CACNG8: variants seen among roughly 807,000 people sequenced by gnomAD.
CACNG8 encodes calcium voltage-gated channel auxiliary subunit gamma 8.
A neutral mutation model predicts 26.9 loss-of-function variants in CACNG8; 5 were observed. The observed-to-expected ratio is 0.19, with a 90% CI of 0.10 to 0.39. CACNG8 has a LOEUF of 0.39. CACNG8 is among the 10% of genes least tolerant of loss of function. The probability of loss-of-function intolerance (pLI) is 1.00; values close to 1 mark genes in which losing one functional copy is unlikely to be tolerated. For synonymous variants in CACNG8, 321 were observed against 296.7 expected (o/e 1.08, Z -0.84); for missense variants, 473 against 609.4 (o/e 0.78, Z 2.36).
rs1255978243 is a variant in CACNG8, at chr19:53,985,856, G to A, written c.*3007G>A. On this transcript the variant is annotated 3_prime_UTR_variant, in exon 4 of 4. Transcript: ENST00000270458. Reference sequence around the variant, plus strand: ...GTCTCAAAAAAAAAAAAAAAATTGAGAGACAGCAAATATTTGCTGGAAGAG... The same window carrying A: ...GTCTCAAAAAAAAAAAAAAAATTGAAAGACAGCAAATATTTGCTGGAAGAG... 1 of 150,964 alleles carries A rather than the reference G, an allele frequency of 6.6e-6. No homozygotes were observed. Among genetic ancestry groups the A allele is most frequent in the East Asian group, 1.9e-4 (1 of 5,144 alleles). The allele number at this position is 150,964 out of a possible 1,614,324, so 9.4% of individuals were successfully genotyped here.
Position 53,963,136 on chromosome 19 carries a change from G to A in CACNG8, c.-7G>A, listed in dbSNP as rs1375387437. On this transcript the variant is annotated 5_prime_UTR_variant, in exon 1 of 4. Coordinates refer to ENST00000270458, the MANE Select transcript of CACNG8 (RefSeq NM_031895.6). ...GGCCCACGGCCCCCCGGCTGCCCGT[G>A]GTCAAACTGGAGTCGCTGAAGCGCT... 6.0e-6 allele frequency: 9 copies of A among 1,488,188 alleles called. No homozygotes were observed. In the South Asian group the frequency reaches 1.2e-4, roughly 19 times the overall value. 92.2% of individuals were successfully genotyped at this position (1,488,188 alleles called of 1,614,324 possible).
In CACNG8 at chr19:53,982,158, A is replaced by G; in HGVS notation, c.587A>G (p.Lys196Arg). ...CCGGGCCCGAAGCGGGACGAGGAGA[A>G]GAAAAACCACTACTCGTACGGCTGG... The change falls in exon 4 of 4, where the codon AAG (lysine) becomes AGG (arginine). Residue 196 changes from lysine to arginine, a missense_variant. Lys to Arg is a conservative substitution (Grantham distance 26). Transcript: ENST00000270458. The surrounding 1 kb of genome is among the most constrained non-coding windows in gnomAD (Gnocchi z 8.4). 6.2e-7 allele frequency: 1 copy of G among 1,613,188 alleles called. No homozygotes were observed.
chr19:53,964,541 C>T (rs1424721802), intron 1 of CACNG8, among the ~76,000 whole-genome samples: 2 of 152,084 alleles, frequency 1.3e-5, no homozygotes. Context: ...ATGCCTCAGG[C>T]CTTCACGTTA....
chr19:53,974,752 C>T, intron 1 of CACNG8, among the ~76,000 whole-genome samples: 1 of 151,770 alleles, frequency 6.6e-6, no homozygotes, highest in Non-Finnish European at 1.5e-5. Flanking sequence ...AGCGATTCTC[C>T]TGCCTCAGCC....
At chr19:53,964,341 T>C (rs1487373542) in intron 1 of CACNG8, among the ~76,000 whole-genome samples, 1 of 151,976 alleles carries the variant, frequency 6.6e-6, no homozygotes, top group Non-Finnish European at 1.5e-5. Flanking sequence ...CCCTCACTCA[T>C]GACTTTCTCT....
chr19:53,979,085 A>G (rs1017594443), intron 2 of CACNG8, among the ~76,000 whole-genome samples: 7 of 143,798 alleles, frequency 4.9e-5, no homozygotes, highest in African/African-American at 1.8e-4. Flanking sequence ...ACCTAGGAAG[A>G]TAGGTGAAGC....
intron 1 of CACNG8, among the ~76,000 whole-genome samples, chr19:53,966,594 A>C (rs147312428): frequency 0.068 from 10,323 of 151,730 alleles, 1,158 homozygotes; most frequent in African/African-American, 0.24. Context: ...GGGTCTCACT[A>C]TATTGCCCAG....
At chr19:53,963,529 CCCT>C (rs1048799935) in intron 1 of CACNG8, 104 bp downstream of exon 1, 8 of 1,174,630 alleles carry the variant, frequency 6.8e-6, no homozygotes, top group African/African-American at 1.6e-5. Flanking sequence ...CCTTGGGCAC[CCCT>C]CCTCCTCTGC....
At chr19:53,969,115 C>T (rs948517542) in intron 1 of CACNG8, among the ~76,000 whole-genome samples, 3 of 152,006 alleles carry the variant, frequency 2.0e-5, no homozygotes, top group African/African-American at 7.2e-5. Context: ...GCAATTCTCC[C>T]GCCTCAGCCT....
At chr19:53,976,428 T>G (rs938013639) in intron 1 of CACNG8, among the ~76,000 whole-genome samples, 3 of 152,178 alleles carry the variant, frequency 2.0e-5, no homozygotes, top group Non-Finnish European at 4.4e-5. Context: ...CATGATCTAT[T>G]TCATAGGACT....
intron 1 of CACNG8, among the ~76,000 whole-genome samples, chr19:53,970,399 C>T (rs533847042): frequency 3.2e-4 from 47 of 146,206 alleles, no homozygotes; most frequent in East Asian, 1.7e-3. Flanking sequence ...CTGAGGTGGA[C>T]GGATCACTTG....
intron 1 of CACNG8, 47 bp from the exon 2 acceptor site, chr19:53,978,099 C>A: frequency 7.2e-7 from 1 of 1,390,014 alleles, no homozygotes. Flanking sequence ...GCCCCGCCCC[C>A]AACCCTGAAG....
At position 53,986,214 on chromosome 19, in the gene CACNG8, A is replaced by G. The variant is rs2069407020; in HGVS notation, c.*3365A>G. 1 of 152,540 alleles carries G rather than the reference A, an allele frequency of 6.6e-6. No individual in the cohort carries two copies. Among genetic ancestry groups the G allele is most frequent in the African/African-American group, 2.4e-5 (1 of 41,430 alleles). 9.4% of individuals were successfully genotyped at this position (152,540 alleles called of 1,614,324 possible). On this transcript the variant is annotated 3_prime_UTR_variant, in exon 4 of 4. Transcript: ENST00000270458. ...CGGAGACAGACTCAGAGATTCGCAC[A>G]AAAAGCAACGTGGAGACTCAGAAGC...
Position 53,963,440 on chromosome 19 carries a change from G to GCCC in CACNG8, c.283+16_283+18dup, listed in dbSNP as rs1284506394. 1.1e-4 allele frequency: 159 copies of GCCC among 1,428,526 alleles called. No individual in the cohort carries two copies. The highest frequency in any genetic ancestry group is 1.4e-4 in the Non-Finnish European group (153 of 1,097,702). 88.5% of individuals were successfully genotyped at this position (1,428,526 alleles called of 1,614,324 possible). A position where few individuals can be genotyped will look rare whatever the true frequency, so the allele number is the denominator to read the frequency against. ...CTGCCTGGAAGGTAGGGTGCGGGCG[G>GCCC]CCCTCCCCGCAGCCCCCGCCGCTCC... On this transcript the variant is annotated intron_variant, in intron 1 of 3. Transcript: ENST00000270458.
In CACNG8 at chr19:53,982,566, C is replaced by T. The variant is rs1284746508; in HGVS notation, c.995C>T (p.Ala332Val). Reference sequence around the variant, plus strand: ...GGGGCCGGCGGCGGCGGCGGCGGCGCCGTGGGGGCGTTCGGCGGCGCGGCC... The same window carrying T: ...GGGGCCGGCGGCGGCGGCGGCGGCGTCGTGGGGGCGTTCGGCGGCGCGGCC... The change falls in exon 4 of 4, where the codon GCC becomes GTC. Residue 332 changes from alanine to valine, a missense_variant. Around this residue, in one of 6 missense-constraint regions of CACNG8, gnomAD observed 212 missense variants for 214.4 expected, o/e 0.99. Transcript: ENST00000270458. The surrounding 1 kb of genome is among the most constrained non-coding windows in gnomAD (Gnocchi z 8.4). The T allele has an allele frequency of 9.2e-7, 1 of 1,086,354 alleles. No individual in the cohort carries two copies. Among genetic ancestry groups the T allele is most frequent in the Non-Finnish European group, 1.1e-6 (1 of 893,190 alleles). The allele number at this position is 1,086,354 out of a possible 1,614,324, so 67.3% of individuals were successfully genotyped here.
chr19:53,976,793 C>A (rs1039256519), intron 1 of CACNG8, among the ~76,000 whole-genome samples: 1 of 152,136 alleles, frequency 6.6e-6, no homozygotes, highest in Admixed American at 6.5e-5. Flanking sequence ...CTGCCTCAGC[C>A]TCCCGAGTAG....
At chr19:53,968,768 CAA>C (rs34461203) in intron 1 of CACNG8, among the ~76,000 whole-genome samples, 30 of 50,316 alleles carry the variant, frequency 6.0e-4, no homozygotes, top group Middle Eastern at 0.02. Context: ...GACTCTATCT[CAA>C]AAAAAAAAAA....
At chr19:53,969,293 G>A (rs75352587) in intron 1 of CACNG8, among the ~76,000 whole-genome samples, 2,582 of 152,178 alleles carry the variant, frequency 0.017, 71 homozygotes, top group African/African-American at 0.057. Flanking sequence ...GTAAGCCACC[G>A]CGCCCAGCCG....
At position 53,982,549 on chromosome 19, in the gene CACNG8, C is replaced by T. The variant is rs1260250494; in HGVS notation, c.978C>T (p.Gly326=). The T allele has an allele frequency of 7.7e-6, 9 of 1,175,788 alleles. No individual in the cohort carries two copies. The highest frequency in any genetic ancestry group is 7.5e-5 in the East Asian group (2 of 26,610). The allele number at this position is 1,175,788 out of a possible 1,614,324, so 72.8% of individuals were successfully genotyped here. The change falls in exon 4 of 4, where the codon GGC becomes GGT. Residue 326 remains glycine (G), a synonymous_variant. Coordinates refer to ENST00000270458, the MANE Select transcript of CACNG8 (RefSeq NM_031895.6). This position sits in a 1 kb window ranked among gnomAD's most constrained non-coding sequence, Gnocchi z 8.4. ...TGGCCGCGGGGCTGGCGGGGGCCGG[C>T]GGCGGCGGCGGCGGCGCCGTGGGGG...
Sources: allele counts gnomAD v4.1 joint callset (sites outside exome capture counted in the v4.1 genomes callset), GRCh38; gene constraint gnomAD v4.1.1; regional missense constraint gnomAD v4.1.1; non-coding constraint Gnocchi (gnomAD v3.1); transcripts MANE v1.5; gene names NCBI Gene and HGNC (gene_info 2026-07-23, HGNC 2026-07-21).